The following BBOF1 variants were observed in gnomAD, a reference collection of about 807,000 sequenced individuals.
BBOF1 encodes basal body orientation factor 1, also known as basal body-orientation factor 1.
BBOF1 carries 62 observed loss-of-function variants against 68.0 expected under a neutral mutation model. The ratio of observed to expected loss-of-function variants is 0.91; its 90% confidence interval spans 0.74 to 1.13. BBOF1 has a LOEUF of 1.13. BBOF1 is among the 50% of genes most tolerant of loss of function. The pLI, the probability that BBOF1 is intolerant of heterozygous loss-of-function variation, is 0.00. For synonymous variants in BBOF1, 208 were observed against 198.8 expected, an observed-to-expected ratio of 1.05 and a Z score of -0.39; for missense variants, 534 against 600.1, an observed-to-expected ratio of 0.89 and a Z score of 1.15.
intron 11 of BBOF1, 38 bp downstream of exon 11, chr14:74,057,296 T>C: frequency 6.2e-7 from 1 of 1,613,752 alleles, no homozygotes; most frequent in Non-Finnish European, 8.5e-7. Context: ...TGTATATTGT[T>C]GTCACCCTTC....
chr14:74,043,482 G>A (rs1255361838), intron 5 of BBOF1, among the ~76,000 whole-genome samples: 10 of 146,350 alleles, frequency 6.8e-5, no homozygotes, highest in South Asian at 4.5e-4. Flanking sequence ...CCCGGGAAGC[G>A]GAGCTTGCAG....
intron 1 of BBOF1, among the ~76,000 whole-genome samples, chr14:74,020,890 A>G (rs1232278903): frequency 1.3e-5 from 2 of 152,176 alleles, no homozygotes; most frequent in Admixed American, 1.3e-4. Flanking sequence ...CATGCCAGAA[A>G]GGGACATCAA....
chr14:74,069,259 A>ACATT, downstream of BBOF1: 3 of 364,194 alleles, frequency 8.2e-6, no homozygotes, highest in Non-Finnish European at 1.6e-5. Context: ...ACCCACCACC[A>ACATT]TGCCTGCCTA....
At chr14:74,060,586 G>T in intron 11 of BBOF1, 1 of 1,231,348 alleles carries the variant, frequency 8.1e-7, no homozygotes, top group Non-Finnish European at 1.2e-6. Flanking sequence ...AAATGAAGCT[G>T]GTCAAAAATA....
chr14:74,066,754 C>G, downstream of BBOF1: 2 of 1,614,014 alleles, frequency 1.2e-6, no homozygotes, highest in South Asian at 2.2e-5. Flanking sequence ...ATTTTCATAG[C>G]CTTTCACTTT....
At chr14:74,043,556 C>CCAA in intron 5 of BBOF1, among the ~76,000 whole-genome samples, 1 of 26,824 alleles carries the variant, frequency 3.7e-5, no homozygotes. Flanking sequence ...GACTCCGTCT[C>CCAA]AAAAAAAAAA....
At chr14:74,069,100 TC>T (rs375722724), downstream of BBOF1, 134 of 938,806 alleles carry the variant, frequency 1.4e-4, no homozygotes, top group Non-Finnish European at 1.7e-4. Flanking sequence ...TTTTACTTTT[TC>T]TTTTTTTTTT....
intron 11 of BBOF1, chr14:74,057,636 A>T (rs974580451): frequency 1.5e-6 from 2 of 1,330,420 alleles, no homozygotes; most frequent in Non-Finnish European, 2.0e-6. Flanking sequence ...TTATAAGGAG[A>T]TATGAAATGA....
Position 74,030,921 on chromosome 14 carries a change from CATAT to C in BBOF1, c.351+1688_351+1691del, listed in dbSNP as rs71460943. Reference sequence around the variant, plus strand: ...AGAAAAGCTAAAAAAAAGTCATAAACATATATATATATATATATAGAGAGAGAGA... The same window carrying C: ...AGAAAAGCTAAAAAAAAGTCATAAACATATATATATATATAGAGAGAGAGA... On this transcript the variant is annotated intron_variant, in intron 3 of 11. Transcript: ENST00000394009. Among the ~76,000 whole-genome samples the C allele has an allele frequency of 4.0e-3, 584 of 147,370 alleles. 4 individuals carry two copies. Among genetic ancestry groups the C allele is most frequent in the African/African-American group, 0.012 (497 of 40,692 alleles).
intron 11 of BBOF1, 129 bp downstream of exon 11, chr14:74,057,387 T>C (rs1327928344): frequency 3.9e-6 from 6 of 1,542,786 alleles, no homozygotes; most frequent in South Asian, 1.2e-5. Context: ...GAGTAATAAA[T>C]AGCATTAGTA....
chr14:74,050,989 AT>A (rs1371397328), intron 8 of BBOF1, among the ~76,000 whole-genome samples: 1 of 151,958 alleles, frequency 6.6e-6, no homozygotes. Context: ...CATACCTGTA[AT>A]CCCAGCACTT....
At chr14:74,043,970 G>C (rs1438961571) in intron 5 of BBOF1, among the ~76,000 whole-genome samples, 1 of 152,080 alleles carries the variant, frequency 6.6e-6, no homozygotes, top group East Asian at 1.9e-4. Context: ...ATGAGGCTGG[G>C]CACGGTGGCT....
At chr14:74,048,137 C>A in intron 7 of BBOF1, 63 bp downstream of exon 7, 2 of 1,500,262 alleles carry the variant, frequency 1.3e-6, no homozygotes, top group Admixed American at 2.1e-5. Flanking sequence ...TTGGTAAATA[C>A]CAAAAATTGG....
downstream of BBOF1, among the ~76,000 whole-genome samples, chr14:74,067,218 A>C (rs2060481040): frequency 2.0e-5 from 3 of 152,206 alleles, no homozygotes; most frequent in Admixed American, 6.5e-5. Flanking sequence ...CTTTAAAAAA[A>C]AAGACTGCTA....
intron 5 of BBOF1, among the ~76,000 whole-genome samples, chr14:74,044,292 C>T (rs952743483): frequency 1.6e-4 from 24 of 151,606 alleles, no homozygotes; most frequent in Admixed American, 6.6e-5. Context: ...ATAAAACGAC[C>T]TCCTCTAGTT....
intron 3 of BBOF1, among the ~76,000 whole-genome samples, chr14:74,031,517 T>C (rs1381940285): frequency 2.6e-5 from 4 of 152,170 alleles, no homozygotes; most frequent in Non-Finnish European, 5.9e-5. Flanking sequence ...TACCATAGAC[T>C]GAGGTGCTCA....
intron 11 of BBOF1, chr14:74,057,782 C>A: frequency 1.9e-6 from 2 of 1,078,466 alleles, no homozygotes; most frequent in Non-Finnish European, 2.3e-6. Flanking sequence ...TTTTTAGCCG[C>A]GATCACATGA....
chr14:74,072,655 C>T (rs778032889), intron 9 of BBOF1: 1 of 1,599,772 alleles, frequency 6.3e-7, no homozygotes, highest in Non-Finnish European at 8.5e-7. Flanking sequence ...AAACATGAAA[C>T]TTTGTATTAG....
chr14:74,045,496 C>A (rs7160498), intron 5 of BBOF1, among the ~76,000 whole-genome samples: 61,700 of 151,568 alleles, frequency 0.41, 13,804 homozygotes, highest in East Asian at 0.82. Flanking sequence ...TTTAGTAGAG[C>A]TGGGGTTTCT....
Sources: allele counts gnomAD v4.1 joint callset (sites outside exome capture counted in the v4.1 genomes callset), GRCh38; gene constraint gnomAD v4.1.1; transcripts MANE v1.5; gene names NCBI Gene and HGNC (gene_info 2026-07-23, HGNC 2026-07-21).